Variants in CTNNA3 observed in about 807,000 individuals in gnomAD.
CTNNA3 encodes the protein catenin alpha-3.
CTNNA3 carries 76 observed loss-of-function variants against 95.7 expected under a neutral mutation model. The ratio of observed to expected loss-of-function variants is 0.79; its 90% CI spans 0.66 to 0.96. The LOEUF (loss-of-function observed/expected upper bound fraction) is 0.96. Among genes scored for constraint, CTNNA3 ranks in the 40% least tolerant of loss-of-function variants. The pLI, the probability that CTNNA3 is intolerant of heterozygous loss-of-function variation, is 0.00. For synonymous variants in CTNNA3, 431 were observed against 374.4 expected (o/e 1.15, Z -1.74); for missense variants, 1,191 against 1,089.8 (o/e 1.09, Z -1.31).
At chr10:67,664,551 T>C (rs912742828) in intron 1 of CTNNA3, among the ~76,000 whole-genome samples, 5 of 152,146 alleles carry the variant, frequency 3.3e-5, no homozygotes, top group Admixed American at 1.3e-4. Context: ...AGAGTTATCA[T>C]TGAGAATTGC....
At chr10:67,392,028 T>C (rs929878663) in intron 5 of CTNNA3, among the ~76,000 whole-genome samples, 3 of 151,806 alleles carry the variant, frequency 2.0e-5, no homozygotes, top group Non-Finnish European at 4.4e-5. Context: ...CCAAAAGCAA[T>C]GGCAACAAAA....
intron 5 of CTNNA3, among the ~76,000 whole-genome samples, chr10:67,376,278 T>A (rs1843686260): frequency 6.6e-6 from 1 of 152,158 alleles, no homozygotes; most frequent in Non-Finnish European, 1.5e-5. Context: ...GTCAGGAAAG[T>A]CACTTAACCC....
rs772228353 is a variant in CTNNA3, at chr10:67,606,940, A to AAT, written c.207_208dup (p.Leu70TyrfsTer2). The AAT allele has an allele frequency of 6.2e-7, 1 of 1,614,042 alleles. No individual in the cohort carries two copies. Among genetic ancestry groups the AAT allele is most frequent in the Non-Finnish European group, 8.5e-7 (1 of 1,179,910 alleles). Reference sequence around the variant, plus strand: ...CTGGGCAATCTTCTCTCCCTTGTCTAATAAATTCCAAGTTGCTTCCTCCAC... The same window carrying AAT: ...CTGGGCAATCTTCTCTCCCTTGTCTAATATAAATTCCAAGTTGCTTCCTCCAC... On this transcript the variant is annotated frameshift_variant, in exon 3 of 18. Transcript: ENST00000433211. LOFTEE classifies it high-confidence loss of function.
intron 7 of CTNNA3, among the ~76,000 whole-genome samples, chr10:67,128,377 G>C (rs970454585): frequency 2.0e-5 from 3 of 151,818 alleles, no homozygotes; most frequent in African/African-American, 7.3e-5. Flanking sequence ...ACTTTTAAAA[G>C]TAATTTATTT....
At chr10:66,656,845 T>C (rs914750229) in intron 9 of CTNNA3, among the ~76,000 whole-genome samples, 3 of 152,022 alleles carry the variant, frequency 2.0e-5, no homozygotes, top group Non-Finnish European at 4.4e-5. Flanking sequence ...TGTTTTTGTT[T>C]TTGTTTTTTG....
chr10:66,441,960 A>G (rs2131789482), intron 11 of CTNNA3, among the ~76,000 whole-genome samples: 1 of 152,300 alleles, frequency 6.6e-6, no homozygotes, highest in South Asian at 2.1e-4. Flanking sequence ...CATTTACTTA[A>G]TCCATCCTTT....
At chr10:67,599,941 A>C (rs999269364) in intron 3 of CTNNA3, among the ~76,000 whole-genome samples, 7 of 152,136 alleles carry the variant, frequency 4.6e-5, no homozygotes, top group African/African-American at 1.2e-4. Flanking sequence ...TTTGTATTTC[A>C]ATTACTATGA....
chr10:66,782,029 T>C (rs1024783616), intron 7 of CTNNA3, among the ~76,000 whole-genome samples: 1 of 152,154 alleles, frequency 6.6e-6, no homozygotes, highest in Admixed American at 6.5e-5. Context: ...GTAAGCTTTA[T>C]AAAAGTATTT....
At chr10:66,894,753 C>T (rs571812512) in intron 7 of CTNNA3, among the ~76,000 whole-genome samples, 18 of 151,800 alleles carry the variant, frequency 1.2e-4, no homozygotes, top group Non-Finnish European at 1.2e-4. Flanking sequence ...CAAAGCACAA[C>T]AAGCTCAACA....
chr10:66,558,364 T>G (rs2132126870), intron 10 of CTNNA3, among the ~76,000 whole-genome samples: 1 of 152,292 alleles, frequency 6.6e-6, no homozygotes, highest in Middle Eastern at 3.4e-3. Context: ...TGCCAAGATT[T>G]TGTTCATATT....
chr10:67,744,632 CA>C (rs1841363815), intron 1 of CTNNA3, among the ~76,000 whole-genome samples: 1 of 150,992 alleles, frequency 6.6e-6, no homozygotes, highest in African/African-American at 2.4e-5. Flanking sequence ...GCAATGGCAA[CA>C]AAAGCCAAAA....
chr10:66,101,217 C>A (rs1163960372), intron 14 of CTNNA3, among the ~76,000 whole-genome samples: 2 of 152,156 alleles, frequency 1.3e-5, no homozygotes, highest in Non-Finnish European at 2.9e-5. Flanking sequence ...GAAACTAAAT[C>A]CAGATGCTGT....
chr10:66,885,228 T>C (rs969193449), intron 7 of CTNNA3, among the ~76,000 whole-genome samples: 1 of 152,178 alleles, frequency 6.6e-6, no homozygotes, highest in South Asian at 2.1e-4. Flanking sequence ...TCAGAAGTAG[T>C]CTTATTTGGA....
chr10:67,611,586 G>A (rs1485643929), intron 2 of CTNNA3, among the ~76,000 whole-genome samples: 2 of 152,194 alleles, frequency 1.3e-5, no homozygotes, highest in East Asian at 3.8e-4. Context: ...AAAGTGCTGG[G>A]ATTACAGGCG....
chr10:67,330,639 T>C (rs1841745395), intron 5 of CTNNA3, among the ~76,000 whole-genome samples: 1 of 152,042 alleles, frequency 6.6e-6, no homozygotes, highest in Non-Finnish European at 1.5e-5. Context: ...TGAGTCCTGC[T>C]GCCACCCCAG....
intron 13 of CTNNA3, among the ~76,000 whole-genome samples, chr10:66,172,407 C>A (rs567624783): frequency 1.8e-4 from 28 of 152,086 alleles, no homozygotes; most frequent in African/African-American, 5.5e-4. Context: ...CTTTTGTAAC[C>A]TGAATAATTG....
intron 2 of CTNNA3, among the ~76,000 whole-genome samples, chr10:67,632,938 G>T (rs963518148): frequency 3.9e-5 from 6 of 152,202 alleles, no homozygotes; most frequent in Non-Finnish European, 8.8e-5. Flanking sequence ...CCCACTGATT[G>T]GAATTCCAGC....
intron 7 of CTNNA3, among the ~76,000 whole-genome samples, chr10:67,071,717 C>G (rs1274523346): frequency 6.6e-6 from 1 of 152,094 alleles, no homozygotes; most frequent in African/African-American, 2.4e-5. Context: ...TGTATTCTCT[C>G]CTCTCCTTTG....
At chr10:67,748,821 G>A (rs1003095173) in intron 1 of CTNNA3, among the ~76,000 whole-genome samples, 1 of 152,166 alleles carries the variant, frequency 6.6e-6, no homozygotes, top group Non-Finnish European at 1.5e-5. Context: ...ATTGAATAGA[G>A]TCAAGATGAA....
Sources: allele counts gnomAD v4.1 joint callset (sites outside exome capture counted in the v4.1 genomes callset), GRCh38; gene constraint gnomAD v4.1.1; transcripts MANE v1.5; gene names NCBI Gene and HGNC (gene_info 2026-07-23, HGNC 2026-07-21).